Variants in SCN8A observed in about 807,000 individuals in gnomAD.
SCN8A encodes sodium voltage-gated channel alpha subunit 8.
SCN8A carries 30 observed loss-of-function variants against 184.1 expected under a neutral mutation model. The observed-to-expected ratio is 0.16, with a 90% CI of 0.12 to 0.22. The LOEUF is 0.22. Among genes scored for constraint, SCN8A ranks in the 10% least tolerant of loss-of-function variants. The pLI is 1.00. For missense variants in SCN8A, 1,057 were observed against 2,498.9 expected (o/e 0.42, Z 12.30); for synonymous variants, 852 against 907.0 (o/e 0.94, Z 1.09).
chr12:51,593,739 G>A (rs1004799246), intron 1 of SCN8A, among the ~76,000 whole-genome samples: 5 of 152,056 alleles, frequency 3.3e-5, no homozygotes, highest in East Asian at 1.9e-4. Flanking sequence ...ATGTACATGC[G>A]CAGCTGGGTT....
At chr12:51,602,986 C>T (rs1467515972) in intron 1 of SCN8A, among the ~76,000 whole-genome samples, 3 of 152,150 alleles carry the variant, frequency 2.0e-5, no homozygotes, top group Admixed American at 1.3e-4. Flanking sequence ...TCCCTTTTAA[C>T]ATTTTAAACA....
chr12:51,788,547 A>C (rs1208256689), intron 22 of SCN8A, 148 bp from the exon 23 acceptor site: 1 of 457,362 alleles, frequency 2.2e-6, no homozygotes, highest in African/African-American at 2.0e-5. Context: ...CTGTAGTAAC[A>C]AACAGAAAAT....
At chr12:51,634,255 A>G (rs922114042) in intron 1 of SCN8A, among the ~76,000 whole-genome samples, 9 of 152,230 alleles carry the variant, frequency 5.9e-5, no homozygotes, top group Admixed American at 1.3e-4. Context: ...TCTTTATTAT[A>G]TATGGATACA....
At chr12:51,645,233 G>A (rs1225118171) in intron 1 of SCN8A, among the ~76,000 whole-genome samples, 75 of 144,668 alleles carry the variant, frequency 5.2e-4, no homozygotes, top group Non-Finnish European at 9.2e-4. Flanking sequence ...CCGGCCAGCC[G>A]CCCCATCCGG....
intron 7 of SCN8A, among the ~76,000 whole-genome samples, chr12:51,700,360 G>A (rs1941667390): frequency 6.6e-6 from 1 of 152,062 alleles, no homozygotes; most frequent in Non-Finnish European, 1.5e-5. Flanking sequence ...AGGCTTAGAA[G>A]CTTGATAAAA....
At chr12:51,713,884 T>A (rs866742096) in intron 11 of SCN8A, among the ~76,000 whole-genome samples, 18 of 151,488 alleles carry the variant, frequency 1.2e-4, no homozygotes, top group African/African-American at 2.9e-4. Context: ...TTACTAATTT[T>A]AAAAATATAG....
At chr12:51,699,202 A>G (rs1941643030) in intron 6 of SCN8A, among the ~76,000 whole-genome samples, 1 of 152,206 alleles carries the variant, frequency 6.6e-6, no homozygotes. Flanking sequence ...GGACAAGATA[A>G]TATAGCAGGG....
chr12:51,756,455 C>T (rs1187572315), intron 14 of SCN8A, among the ~76,000 whole-genome samples: 5 of 152,210 alleles, frequency 3.3e-5, no homozygotes, highest in African/African-American at 1.2e-4. Context: ...AGTCCCTCCT[C>T]AGCCCACTCC....
chr12:51,651,083 T>C (rs1179412105), intron 1 of SCN8A, among the ~76,000 whole-genome samples: 3 of 152,264 alleles, frequency 2.0e-5, no homozygotes, highest in African/African-American at 7.2e-5. Context: ...GGTTTAAGAA[T>C]GCCTTTAAGC....
chr12:51,695,839 A>ATGTC (rs1368112263), intron 6 of SCN8A, among the ~76,000 whole-genome samples: 1 of 152,208 alleles, frequency 6.6e-6, no homozygotes, highest in Non-Finnish European at 1.5e-5. Flanking sequence ...TTTAGGTCAG[A>ATGTC]TGTCCACCCA....
At chr12:51,707,280 C>G (rs565711528) in intron 11 of SCN8A, among the ~76,000 whole-genome samples, 1 of 151,618 alleles carries the variant, frequency 6.6e-6, no homozygotes, top group African/African-American at 2.4e-5. Flanking sequence ...AGGTATAGAA[C>G]TAATAGGATA....
chr12:51,607,268 A>C (rs1317180112), intron 1 of SCN8A, among the ~76,000 whole-genome samples: 1 of 152,188 alleles, frequency 6.6e-6, no homozygotes, highest in African/African-American at 2.4e-5. Flanking sequence ...ATTTGCATAC[A>C]TTAATCTTGT....
At chr12:51,636,658 T>A (rs190610991) in intron 1 of SCN8A, among the ~76,000 whole-genome samples, 5 of 152,338 alleles carry the variant, frequency 3.3e-5, no homozygotes, top group African/African-American at 1.2e-4. Flanking sequence ...GCTTCCCAGT[T>A]TCAACATTGT....
rs1432163846 is a variant in SCN8A at position 51,810,731 on chromosome 12, CCT to C, written c.*3305_*3306del. On this transcript the variant is annotated 3_prime_UTR_variant, in exon 27 of 27. Transcript: ENST00000627620. ...GTTTGTGTGTGAAAAACATTTTCCC[CCT>C]CTTCTTTCCTTAACCTCCTTGTTGC... 6.5e-6 allele frequency: 1 copy of C among 152,926 alleles called. No individual in the cohort carries two copies. Among genetic ancestry groups the C allele is most frequent in the Non-Finnish European group, 1.5e-5 (1 of 68,668 alleles). The allele number at this position is 152,926 out of a possible 1,614,324, so 9.5% of individuals were successfully genotyped here. A position where few individuals can be genotyped will look rare whatever the true frequency, so the allele number is the denominator to read the frequency against.
chr12:51,727,645 G>GCTC (rs1942176385), intron 12 of SCN8A, among the ~76,000 whole-genome samples: 1 of 152,154 alleles, frequency 6.6e-6, no homozygotes, highest in African/African-American at 2.4e-5. Context: ...TGGGAGAGAG[G>GCTC]CTCCTCCAGA....
intron 2 of SCN8A, among the ~76,000 whole-genome samples, chr12:51,670,013 T>C (rs1017464837): frequency 1.3e-5 from 2 of 152,238 alleles, no homozygotes; most frequent in African/African-American, 4.8e-5. Flanking sequence ...TTTTAAAACT[T>C]TGGTTTATTT....
rs1259295421 is a variant in SCN8A, at chr12:51,663,043, C to T, written c.226C>T (p.Leu76=). Residue 76 remains leucine (L), a synonymous_variant, in exon 2 of 27, where the codon CTG becomes TTG. Transcript: ENST00000627620. ...CATCTACGGGGACATCCCCCAAGGC[C>T]TGGTTGCAGTTCCCCTGGAGGACTT... The part of the protein sequence containing the change: ...PFIYGDIPQG[L]VAVPLEDFDP... The T allele has an allele frequency of 3.1e-6, 5 of 1,613,906 alleles. No individual in the cohort carries two copies. The highest frequency in any genetic ancestry group is 4.2e-6 in the Non-Finnish European group (5 of 1,179,894).
At chr12:51,609,829 G>C (rs1048856063) in intron 1 of SCN8A, among the ~76,000 whole-genome samples, 5 of 137,626 alleles carry the variant, frequency 3.6e-5, no homozygotes, top group African/African-American at 1.3e-4. Context: ...GTGTGGGGAG[G>C]GGGGAGGGGG....
At chr12:51,719,697 A>C (rs1204497178) in intron 11 of SCN8A, among the ~76,000 whole-genome samples, 1 of 143,212 alleles carries the variant, frequency 7.0e-6, no homozygotes, top group Non-Finnish European at 1.5e-5. Flanking sequence ...AAAACATAAA[A>C]GTGTACATTC....
Sources: allele counts gnomAD v4.1 joint callset (sites outside exome capture counted in the v4.1 genomes callset), GRCh38; gene constraint gnomAD v4.1.1; transcripts MANE v1.5; gene names NCBI Gene and HGNC (gene_info 2026-07-23, HGNC 2026-07-21).